EPM2A: variants seen among roughly 807,000 people sequenced by gnomAD.
EPM2A encodes laforin.
In EPM2A, 21 loss-of-function variants were observed where a neutral mutation model predicts 26.5. The ratio of observed to expected loss-of-function variants is 0.79; its 90% CI spans 0.56 to 1.14. The LOEUF (loss-of-function observed/expected upper bound fraction) is 1.14. Among genes scored for constraint, EPM2A ranks in the 50% most tolerant of loss-of-function variants. The pLI, the probability that EPM2A is intolerant of heterozygous loss-of-function variation, is 0.00. For missense variants in EPM2A, 458 were observed against 440.8 expected (o/e 1.04, Z -0.35); for synonymous variants, 217 against 177.6 (o/e 1.22, Z -1.76).
intron 2 of EPM2A, among the ~76,000 whole-genome samples, chr6:145,531,227 G>A (rs960385356): frequency 6.6e-6 from 1 of 152,154 alleles, no homozygotes; most frequent in Admixed American, 6.5e-5. Flanking sequence ...TGCAGGGAAG[G>A]TAACCAGGTT....
At chr6:145,617,140 T>C (rs1582900124) in intron 2 of EPM2A, among the ~76,000 whole-genome samples, 2 of 152,076 alleles carry the variant, frequency 1.3e-5, no homozygotes, top group East Asian at 1.9e-4. Flanking sequence ...CAATAGGAGG[T>C]AACTGAATCA....
intron 2 of EPM2A, among the ~76,000 whole-genome samples, chr6:145,662,204 T>C (rs185582061): frequency 1.2e-4 from 19 of 152,304 alleles, no homozygotes; most frequent in Non-Finnish European, 2.1e-4. Flanking sequence ...AAGAAATGAC[T>C]AGGAACAAAC....
chr6:145,395,133 C>T (rs1334892284), intron 4 of EPM2A, among the ~76,000 whole-genome samples: 1 of 152,020 alleles, frequency 6.6e-6, no homozygotes, highest in African/African-American at 2.4e-5. Context: ...CCCCTCTCTC[C>T]ACTATCAAGC....
intron 2 of EPM2A, among the ~76,000 whole-genome samples, chr6:145,610,071 G>C (rs947395370): frequency 2.6e-5 from 4 of 151,874 alleles, no homozygotes; most frequent in Non-Finnish European, 5.9e-5. Context: ...AAAAATTAGC[G>C]GGGCCTGGTG....
rs566449916 is a variant in EPM2A at position 145,664,658 on chromosome 6, C to T, written c.476+21464G>A. Among the ~76,000 whole-genome samples the T allele has an allele frequency of 4.4e-4, 67 of 152,182 alleles. 1 individual carries two copies. The highest frequency in any genetic ancestry group is 1.4e-3 in the African/African-American group (60 of 41,496). On this transcript the variant is annotated intron_variant, in intron 2 of 3. Transcript: ENST00000367519. ...GAATTGAACTCAGCTCTGCACCAAG[C>T]GGACCTAATCGACATCTACAGAACT...
At chr6:145,514,863 A>C (rs922518059) in intron 2 of EPM2A, among the ~76,000 whole-genome samples, 3 of 152,320 alleles carry the variant, frequency 2.0e-5, no homozygotes, top group Middle Eastern at 3.4e-3. Context: ...ACTGACAAAA[A>C]CATTTGAGTG....
chr6:145,559,633 T>G (rs1307206720), intron 2 of EPM2A, among the ~76,000 whole-genome samples: 1 of 151,494 alleles, frequency 6.6e-6, no homozygotes, highest in African/African-American at 2.4e-5. Flanking sequence ...TTCTTCACAA[T>G]TTTGCCTATG....
chr6:145,461,854 T>G (rs1356749174), intron 4 of EPM2A, among the ~76,000 whole-genome samples: 2 of 152,156 alleles, frequency 1.3e-5, no homozygotes, highest in Non-Finnish European at 2.9e-5. Flanking sequence ...GGGAAAAATC[T>G]TCAAGGACAA....
intron 2 of EPM2A, among the ~76,000 whole-genome samples, chr6:145,670,152 G>A (rs1779539638): frequency 6.6e-6 from 1 of 152,028 alleles, no homozygotes; most frequent in African/African-American, 2.4e-5. Context: ...CTGGGATAAT[G>A]TTTATTAACA....
At chr6:145,676,530 G>C (rs767224973) in intron 2 of EPM2A, among the ~76,000 whole-genome samples, 3 of 152,030 alleles carry the variant, frequency 2.0e-5, no homozygotes, top group Middle Eastern at 3.4e-3. Context: ...TAGGCTGCTA[G>C]CAAGACAAAT....
At chr6:145,565,433 G>T (rs762473311) in intron 2 of EPM2A, among the ~76,000 whole-genome samples, 1 of 151,846 alleles carries the variant, frequency 6.6e-6, no homozygotes, top group Non-Finnish European at 1.5e-5. Context: ...GAATCTTTAG[G>T]TAGTAAAAAA....
intron 4 of EPM2A, among the ~76,000 whole-genome samples, chr6:145,425,159 T>TTCCTTCCTTCCTTCC (rs1431824349): frequency 7.8e-6 from 1 of 128,218 alleles, no homozygotes; most frequent in East Asian, 2.5e-4. Flanking sequence ...CCTTCCTTCC[T>TTCCTTCCTTCCTTCC]TTCCTTCCGT....
chr6:145,619,222 T>C (rs145765252), intron 2 of EPM2A, among the ~76,000 whole-genome samples: 3 of 152,160 alleles, frequency 2.0e-5, no homozygotes, highest in Admixed American at 6.6e-5. Context: ...TTGAAACAAA[T>C]TGATATATAA....
downstream of EPM2A, among the ~76,000 whole-genome samples, chr6:145,498,941 A>T (rs1261376074): frequency 6.6e-6 from 1 of 151,884 alleles, no homozygotes; most frequent in Non-Finnish European, 1.5e-5. Context: ...AAATCTGTCA[A>T]TTTCTCTCTA....
intron 1 of EPM2A, among the ~76,000 whole-genome samples, chr6:145,701,362 C>T (rs1026104566): frequency 6.6e-6 from 1 of 152,192 alleles, no homozygotes; most frequent in Non-Finnish European, 1.5e-5. Flanking sequence ...GTCTGCTTTG[C>T]CGTCCTTCAC....
intron 2 of EPM2A, among the ~76,000 whole-genome samples, chr6:145,649,743 C>A (rs2128576899): frequency 6.6e-6 from 1 of 152,316 alleles, no homozygotes; most frequent in African/African-American, 2.4e-5. Context: ...CACAGCCACA[C>A]TCATTTGTTT....
At chr6:145,475,039 A>C (rs909100085) in intron 4 of EPM2A, among the ~76,000 whole-genome samples, 1 of 152,228 alleles carries the variant, frequency 6.6e-6, no homozygotes, top group Non-Finnish European at 1.5e-5. Flanking sequence ...AATTAGTTCA[A>C]TCATTGTGGA....
At chr6:145,545,566 CA>C (rs1321779980) in intron 2 of EPM2A, among the ~76,000 whole-genome samples, 1 of 152,116 alleles carries the variant, frequency 6.6e-6, no homozygotes, top group Non-Finnish European at 1.5e-5. Context: ...TACAGTTCAC[CA>C]CACTACTTAT....
intron 2 of EPM2A, among the ~76,000 whole-genome samples, chr6:145,509,048 AT>A (rs1450834019): frequency 6.6e-6 from 1 of 152,186 alleles, no homozygotes; most frequent in Admixed American, 6.5e-5. Context: ...AGAAAAAATT[AT>A]TTTTAAAAAA....
Sources: gnomAD v4.1 joint callset for allele counts (sites outside exome capture counted in the v4.1 genomes callset) on GRCh38, gnomAD v4.1.1 for gene constraint, MANE v1.5 for transcripts, NCBI Gene and HGNC (gene_info 2026-07-23, HGNC 2026-07-21) for gene names.